SDK1: variants seen among roughly 807,000 people sequenced by gnomAD.
SDK1 encodes protein sidekick-1.
SDK1 carries 157 observed loss-of-function variants against 245.5 expected under a neutral mutation model. The ratio of observed to expected loss-of-function variants is 0.64; its 90% CI spans 0.56 to 0.73. The LOEUF (loss-of-function observed/expected upper bound fraction) is 0.73. Among genes scored for constraint, SDK1 ranks in the 30% least tolerant of loss-of-function variants. The probability of loss-of-function intolerance (pLI) is 0.00; values close to 1 mark genes in which losing one functional copy is unlikely to be tolerated. For missense variants in SDK1, 3,583 were observed against 3,002.3 expected (o/e 1.19, Z -4.52); for synonymous variants, 1,647 against 1,278.5 (o/e 1.29, Z -6.15).
intron 1 of SDK1, among the ~76,000 whole-genome samples, chr7:3,335,359 T>C (rs985524494): frequency 6.6e-6 from 1 of 152,174 alleles, no homozygotes; most frequent in Non-Finnish European, 1.5e-5. Flanking sequence ...CTCCTGATTG[T>C]TCTCTATTTA....
chr7:3,304,646 A>G (rs56142232), intron 1 of SDK1, among the ~76,000 whole-genome samples: 27,520 of 152,100 alleles, frequency 0.18, 2,483 homozygotes, highest in South Asian at 0.22. Context: ...AATTTGATGA[A>G]GCTGTAGAGT....
intron 2 of SDK1, among the ~76,000 whole-genome samples, chr7:3,623,245 C>CTT (rs1183056855): frequency 0.05 from 5,950 of 117,938 alleles, 253 homozygotes; most frequent in Non-Finnish European, 0.077. Flanking sequence ...TGTTGTATTT[C>CTT]TTTTTTTTTT....
chr7:3,778,357 A>G (rs758136010), intron 4 of SDK1, among the ~76,000 whole-genome samples: 21 of 152,258 alleles, frequency 1.4e-4, no homozygotes, highest in Non-Finnish European at 2.6e-4. Context: ...TTAGATTTTA[A>G]AACTAATGCT....
chr7:4,008,419 A>G lies in SDK1; in HGVS notation c.2132-2547A>G, dbSNP rs551917238. Among the ~76,000 whole-genome samples, 30 of 152,372 alleles carry G rather than the reference A, an allele frequency of 2.0e-4. No homozygotes were observed. The South Asian group carries it at 5.0e-3, about 25-fold the overall frequency. On this transcript the variant is annotated intron_variant, in intron 14 of 44. Coordinates refer to ENST00000404826, the MANE Select transcript of SDK1 (RefSeq NM_152744.4). ...TGCCTCCTTGGCCAGTCGCCATGAC[A>G]GCACACCTGAACAAAGGGGCACGAG...
intron 35 of SDK1, among the ~76,000 whole-genome samples, chr7:4,186,679 C>T (rs373269917): frequency 1.6e-4 from 25 of 152,202 alleles, no homozygotes; most frequent in African/African-American, 5.5e-4. Context: ...TAGAGCCCCC[C>T]GCTGCTCCAG....
At chr7:3,656,904 C>T (rs900826846) in intron 4 of SDK1, among the ~76,000 whole-genome samples, 5 of 152,088 alleles carry the variant, frequency 3.3e-5, no homozygotes, top group Admixed American at 1.3e-4. Context: ...CCGGCCACCG[C>T]GCCCGGCTAA....
At chr7:3,551,814 T>G (rs768833167) in intron 1 of SDK1, among the ~76,000 whole-genome samples, 5 of 152,084 alleles carry the variant, frequency 3.3e-5, no homozygotes, top group Non-Finnish European at 7.4e-5. Context: ...GAGTTGAGAT[T>G]ACAGGCATGA....
chr7:3,962,526 G>A, intron 8 of SDK1, 131 bp from the exon 9 acceptor site: 1 of 747,944 alleles, frequency 1.3e-6, no homozygotes, highest in Non-Finnish European at 2.1e-6. Context: ...TCCTTATAGG[G>A]TGGTTGAAAG....
intron 5 of SDK1, among the ~76,000 whole-genome samples, chr7:3,936,509 C>T (rs968883527): frequency 5.9e-5 from 9 of 151,278 alleles, no homozygotes; most frequent in East Asian, 1.9e-4. Flanking sequence ...CACGTGAACC[C>T]GTGAGGTGGA....
intron 5 of SDK1, among the ~76,000 whole-genome samples, chr7:3,852,919 A>T (rs1780454647): frequency 6.6e-6 from 1 of 152,078 alleles, no homozygotes. Context: ...GAATCATCTC[A>T]TATGGGTGCA....
Position 3,743,773 on chromosome 7 carries a change from C to T in SDK1, c.714-77677C>T, listed in dbSNP as rs549533687. On this transcript the variant is annotated intron_variant, in intron 4 of 44. Coordinates refer to ENST00000404826, the MANE Select transcript of SDK1 (RefSeq NM_152744.4). ...AAAAAAATGATATAAAGAGTTGAACCGAGTGGCATGATGAGAAAAACTTCT... is the reference window on the plus strand; with the variant it reads ...AAAAAAATGATATAAAGAGTTGAACTGAGTGGCATGATGAGAAAAACTTCT... Among the ~76,000 whole-genome samples, 19 of 152,034 alleles carry T rather than the reference C, an allele frequency of 1.2e-4. No individual in the cohort carries two copies. In the South Asian group the frequency reaches 2.1e-3, roughly 17 times the overall value.
intron 1 of SDK1, among the ~76,000 whole-genome samples, chr7:3,408,133 G>A (rs1779101272): frequency 6.6e-6 from 1 of 152,106 alleles, no homozygotes; most frequent in Admixed American, 6.5e-5. Flanking sequence ...TGCCTCCCAG[G>A]TTCAAGCAAT....
intron 20 of SDK1, among the ~76,000 whole-genome samples, chr7:4,074,997 C>A (rs750345168): frequency 6.7e-6 from 1 of 149,576 alleles, no homozygotes; most frequent in Non-Finnish European, 1.5e-5. Context: ...TCGGCCTTCT[C>A]CCCTCTCCCT....
chr7:3,854,249 A>G (rs1383110411), intron 5 of SDK1, among the ~76,000 whole-genome samples: 1 of 151,996 alleles, frequency 6.6e-6, no homozygotes, highest in African/African-American at 2.4e-5. Context: ...TCATATCTCA[A>G]CTCTGTTCCT....
intron 1 of SDK1, among the ~76,000 whole-genome samples, chr7:3,517,969 G>A (rs774811263): frequency 2.0e-5 from 3 of 152,084 alleles, no homozygotes; most frequent in Non-Finnish European, 4.4e-5. Flanking sequence ...TTGTTTTTGT[G>A]ACTTCTCTCT....
At chr7:3,811,801 C>T (rs969895588) in intron 4 of SDK1, among the ~76,000 whole-genome samples, 1 of 152,238 alleles carries the variant, frequency 6.6e-6, no homozygotes, top group African/African-American at 2.4e-5. Context: ...CCTGCAGAAG[C>T]AGCCATTCTG....
chr7:3,978,118 A>C (rs1254148947), intron 13 of SDK1, among the ~76,000 whole-genome samples: 1 of 151,224 alleles, frequency 6.6e-6, no homozygotes, highest in Non-Finnish European at 1.5e-5. Flanking sequence ...ATAATATAGG[A>C]GGATATGGCC....
rs376524388 is a variant in SDK1, at chr7:4,220,287, G to A, written c.5701+17G>A. ...CAGCCGAGGGTAAGTGGAACTCCAGGGGCAGACAATGTCAATTGCAACTTT... is the reference window on the plus strand; with the variant it reads ...CAGCCGAGGGTAAGTGGAACTCCAGAGGCAGACAATGTCAATTGCAACTTT... On this transcript the variant is annotated intron_variant, in intron 39 of 44. Coordinates refer to ENST00000404826, the MANE Select transcript of SDK1 (RefSeq NM_152744.4). The A allele has an allele frequency of 1.2e-6, 2 of 1,606,378 alleles. No individual in the cohort carries two copies. Among genetic ancestry groups the A allele is most frequent in the African/African-American group, 2.7e-5 (2 of 74,756 alleles).
rs1782281163 is a variant in SDK1, at chr7:3,503,444, C to T, written c.299-115636C>T. Among the ~76,000 whole-genome samples, 4 of 152,180 alleles carry T rather than the reference C, an allele frequency of 2.6e-5. No homozygotes were observed. In the South Asian group the frequency reaches 6.2e-4, roughly 24 times the overall value. ...CCCATAATCTCAACAAGTTTTGAGG[C>T]CAAGCAGGAGGATTGCTTGAGCCCA... On this transcript the variant is annotated intron_variant, in intron 1 of 44. Transcript: ENST00000404826.
Sources: gnomAD v4.1 joint callset for allele counts (sites outside exome capture counted in the v4.1 genomes callset) on GRCh38, gnomAD v4.1.1 for gene constraint, MANE v1.5 for transcripts, NCBI Gene and HGNC (gene_info 2026-07-23, HGNC 2026-07-21) for gene names.